ARHGAP22: variants seen among roughly 807,000 people sequenced by gnomAD.
ARHGAP22 encodes Rho GTPase activating protein 22.
A neutral mutation model predicts 59.1 loss-of-function variants in ARHGAP22; 48 were observed. That is an observed-to-expected ratio of 0.81 (90% CI 0.64 to 1.03). The LOEUF (loss-of-function observed/expected upper bound fraction) is 1.03. ARHGAP22 is among the 50% of genes least tolerant of loss of function. The pLI, the probability that ARHGAP22 is intolerant of heterozygous loss-of-function variation, is 0.00. For synonymous variants in ARHGAP22, 445 were observed against 416.4 expected (o/e 1.07, Z -0.84); for missense variants, 1,015 against 958.7 (o/e 1.06, Z -0.78).
downstream of ARHGAP22, among the ~76,000 whole-genome samples, chr10:48,441,495 A>G (rs1295150168): frequency 3.5e-5 from 5 of 143,584 alleles, no homozygotes; most frequent in Non-Finnish European, 6.0e-5. Flanking sequence ...TCTGTCACCC[A>G]GGCTGGAGTG....
At chr10:48,593,493 C>A (rs1325822589) in intron 1 of ARHGAP22, among the ~76,000 whole-genome samples, 1 of 152,232 alleles carries the variant, frequency 6.6e-6, no homozygotes, top group East Asian at 1.9e-4. Context: ...ATTGGCACCA[C>A]ACTTTTGTGC....
intron 3 of ARHGAP22, among the ~76,000 whole-genome samples, chr10:48,523,442 C>A (rs576665974): frequency 6.5e-4 from 99 of 152,314 alleles, no homozygotes; most frequent in Admixed American, 3.5e-3. Flanking sequence ...GGACCTCCGG[C>A]GGCCGCCAAC....
chr10:48,636,696 G>C (rs762547670), intron 1 of ARHGAP22, among the ~76,000 whole-genome samples: 1 of 152,206 alleles, frequency 6.6e-6, no homozygotes, highest in African/African-American at 2.4e-5. Context: ...AAGACCCATG[G>C]CTATAGTCAT....
chr10:48,482,193 C>A (rs763598242), intron 3 of ARHGAP22, among the ~76,000 whole-genome samples: 9 of 152,148 alleles, frequency 5.9e-5, no homozygotes, highest in Non-Finnish European at 1.3e-4. Flanking sequence ...TCATCTAAGG[C>A]CATAAAAGTT....
chr10:48,517,453 C>T (rs2053396575), intron 3 of ARHGAP22, among the ~76,000 whole-genome samples: 1 of 152,230 alleles, frequency 6.6e-6, no homozygotes, highest in South Asian at 2.1e-4. Context: ...CAAGGAGGGT[C>T]CCCTACAGGT....
chr10:48,516,398 A>G (rs2053291602), intron 3 of ARHGAP22, among the ~76,000 whole-genome samples: 2 of 151,938 alleles, frequency 1.3e-5, no homozygotes, highest in East Asian at 1.9e-4. Context: ...GTGTGGTGGT[A>G]TGTGCTTGAC....
In ARHGAP22 at chr10:48,459,707, A is replaced by G; in HGVS notation, c.636T>C (p.Cys212=). The G allele has an allele frequency of 6.2e-7, 1 of 1,614,022 alleles. No individual in the cohort carries two copies. Among genetic ancestry groups the G allele is most frequent in the Non-Finnish European group, 8.5e-7 (1 of 1,179,990 alleles). The change falls in exon 5 of 10, where the codon TGT becomes TGC. Residue 212 remains cysteine (C), a synonymous_variant. Coordinates refer to ENST00000249601, the MANE Select transcript of ARHGAP22 (RefSeq NM_021226.4). ...ACCTGTCAAACAGTGGCTTCTCCCC[A>G]CAGTCGAAGGAATCCTGCAGGTCCC... ...LVRDLQDSFD[C]GEKPLFDSTT...
At chr10:48,606,183 C>T (rs2135937447), upstream of ARHGAP22, among the ~76,000 whole-genome samples, 2 of 152,308 alleles carry the variant, frequency 1.3e-5, 1 homozygote, top group South Asian at 4.1e-4. Flanking sequence ...ATCTGACCCT[C>T]CACACTCCCT....
chr10:48,628,052 C>T (rs950760853), intron 1 of ARHGAP22, among the ~76,000 whole-genome samples: 1 of 152,240 alleles, frequency 6.6e-6, no homozygotes, highest in Admixed American at 6.5e-5. Context: ...CAGCTGGCAT[C>T]ACAGGGACAG....
intron 3 of ARHGAP22, among the ~76,000 whole-genome samples, chr10:48,526,823 T>G (rs2054367668): frequency 6.6e-6 from 1 of 152,228 alleles, no homozygotes; most frequent in Non-Finnish European, 1.5e-5. Context: ...ACTCGACTTT[T>G]CAAAGCGGCT....
chr10:48,580,766 T>C (rs975335350), intron 2 of ARHGAP22, among the ~76,000 whole-genome samples: 1 of 151,430 alleles, frequency 6.6e-6, no homozygotes, highest in African/African-American at 2.4e-5. Flanking sequence ...GAGGGGCAGT[T>C]GGTGGCCAGG....
chr10:48,593,229 T>C (rs924305452), intron 1 of ARHGAP22, among the ~76,000 whole-genome samples: 3 of 152,252 alleles, frequency 2.0e-5, no homozygotes, highest in African/African-American at 4.8e-5. Flanking sequence ...CTTCCCCCAC[T>C]GCTCCATTTC....
chr10:48,457,295 C>G (rs574051165), intron 5 of ARHGAP22, among the ~76,000 whole-genome samples: 7 of 152,310 alleles, frequency 4.6e-5, no homozygotes, highest in African/African-American at 1.7e-4. Flanking sequence ...GACCTGCCCC[C>G]CAGCCGGGCC....
At chr10:48,652,152 G>A in intron 1 of ARHGAP22, 2 of 1,320,220 alleles carry the variant, frequency 1.5e-6, no homozygotes, top group Non-Finnish European at 1.1e-6. Context: ...GACCAAGACA[G>A]CCTCCGGGGA....
chr10:48,512,209 C>G (rs2052844566), intron 3 of ARHGAP22, among the ~76,000 whole-genome samples: 1 of 152,244 alleles, frequency 6.6e-6, no homozygotes, highest in East Asian at 1.9e-4. Flanking sequence ...TTCTTATTGT[C>G]CTTTGGTGTT....
intron 3 of ARHGAP22, among the ~76,000 whole-genome samples, chr10:48,526,397 G>A (rs997610544): frequency 5.3e-5 from 8 of 152,338 alleles, no homozygotes; most frequent in Admixed American, 3.3e-4. Flanking sequence ...GTTTTCCTGC[G>A]TTAGATCCGG....
At chr10:48,453,547 T>G (rs1589436048) in intron 7 of ARHGAP22, 122 bp from the exon 8 acceptor site, 1 of 1,428,930 alleles carries the variant, frequency 7.0e-7, no homozygotes, top group Non-Finnish European at 9.7e-7. Flanking sequence ...TTTTGCCCAC[T>G]GGGTGTAGCC....
intron 3 of ARHGAP22, among the ~76,000 whole-genome samples, chr10:48,505,939 C>T (rs565007675): frequency 6.6e-6 from 1 of 152,196 alleles, no homozygotes; most frequent in African/African-American, 2.4e-5. Context: ...AGTTCTGCCC[C>T]CTCTCTGGCT....
chr10:48,500,890 C>CAA (rs60056604), intron 3 of ARHGAP22, among the ~76,000 whole-genome samples: 14 of 86,604 alleles, frequency 1.6e-4, no homozygotes, highest in Non-Finnish European at 2.4e-4. Context: ...GACTCCGCCT[C>CAA]AAAAAAAAAA....
Sources: allele counts gnomAD v4.1 joint callset (sites outside exome capture counted in the v4.1 genomes callset), GRCh38; gene constraint gnomAD v4.1.1; transcripts MANE v1.5; gene names NCBI Gene and HGNC (gene_info 2026-07-23, HGNC 2026-07-21).